Variants in RXFP1 observed in about 807,000 individuals in gnomAD.
RXFP1 encodes the protein relaxin family peptide receptor 1, also known as relaxin receptor 1.
RXFP1 carries 73 observed loss-of-function variants against 89.8 expected under a neutral mutation model. That is an observed-to-expected ratio of 0.81 (90% CI 0.67 to 0.99). The LOEUF is 0.99. RXFP1 is among the 50% of genes least tolerant of loss of function. RXFP1 has a pLI of 0.00. For missense variants in RXFP1, 793 were observed against 895.5 expected (o/e 0.89, Z 1.46); for synonymous variants, 277 against 305.5 (o/e 0.91, Z 0.97).
intron 1 of RXFP1, among the ~76,000 whole-genome samples, chr4:158,557,276 A>C (rs1194330009): frequency 6.6e-6 from 1 of 152,184 alleles, no homozygotes; most frequent in Non-Finnish European, 1.5e-5. Context: ...TTAAATGTTT[A>C]AGCATGTTTC....
rs760334929 is a variant in RXFP1, at chr4:158,572,807, C to A, written c.159C>A (p.Cys53Ter). The A allele has an allele frequency of 1.2e-6, 2 of 1,614,126 alleles. No individual in the cohort carries two copies. The highest frequency in any genetic ancestry group is 1.1e-5 in the South Asian group (1 of 91,080). ...QLLHCNGVDDCGNQADEDNCG... is the reference protein window; with the variant it reads ...QLLHCNGVDD The stretch of plus-strand genomic sequence containing the variant: ...TGCACTGTAACGGTGTGGACGACTG[C>A]GGGAATCAGGCCGATGAGGACAACT... Residue 53 changes from cysteine (C) to a stop codon, truncating the protein, a stop_gained, in exon 2 of 18, where the codon TGC (cysteine) becomes TGA (stop). Transcript: ENST00000307765. LOFTEE classifies it high-confidence loss of function.
chr4:158,626,671 G>A (rs935869243), intron 9 of RXFP1, 149 bp from the exon 10 acceptor site: 4 of 433,754 alleles, frequency 9.2e-6, no homozygotes, highest in African/African-American at 2.1e-5. Context: ...TATAATTTCA[G>A]CTGTAATAGA....
chr4:158,569,880 A>G (rs1366299784), intron 1 of RXFP1, among the ~76,000 whole-genome samples: 1 of 152,182 alleles, frequency 6.6e-6, no homozygotes. Flanking sequence ...AAATTTAATT[A>G]ATTGATTGTT....
chr4:158,587,826 T>C (rs923784956), intron 2 of RXFP1, among the ~76,000 whole-genome samples: 27 of 152,310 alleles, frequency 1.8e-4, no homozygotes, highest in African/African-American at 5.1e-4. Context: ...AATGTAGTTA[T>C]GAGGATAAAA....
chr4:158,615,907 G>A (rs989396154), intron 8 of RXFP1, among the ~76,000 whole-genome samples: 10 of 151,956 alleles, frequency 6.6e-5, no homozygotes, highest in African/African-American at 9.7e-5. Flanking sequence ...CACCATGGTC[G>A]CACCACTGCA....
chr4:158,536,598 G>A (rs1745333384), intron 1 of RXFP1, among the ~76,000 whole-genome samples: 1 of 152,124 alleles, frequency 6.6e-6, no homozygotes, highest in Non-Finnish European at 1.5e-5. Context: ...GTATTGAACT[G>A]TAAGAGATAC....
At chr4:158,647,938 C>T (rs567563348) in intron 16 of RXFP1, among the ~76,000 whole-genome samples, 38 of 151,922 alleles carry the variant, frequency 2.5e-4, no homozygotes, top group Admixed American at 2.4e-3. Context: ...ATTGCTTGAA[C>T]GCAGAAGGCA....
chr4:158,572,195 T>A (rs1579723116), intron 1 of RXFP1, among the ~76,000 whole-genome samples: 1 of 152,304 alleles, frequency 6.6e-6, no homozygotes, highest in South Asian at 2.1e-4. Flanking sequence ...TCTTCTTTTT[T>A]GTCTATTAAA....
chr4:158,579,323 C>T (rs1756873461), intron 2 of RXFP1, among the ~76,000 whole-genome samples: 1 of 152,108 alleles, frequency 6.6e-6, no homozygotes. Context: ...GGCTGGAGTG[C>T]AGTAGCACAA....
At chr4:158,532,832 C>T (rs139505520) in intron 1 of RXFP1, among the ~76,000 whole-genome samples, 2 of 152,302 alleles carry the variant, frequency 1.3e-5, no homozygotes, top group East Asian at 1.9e-4. Context: ...CATTCACCAT[C>T]GCCTCCCTCA....
chr4:158,618,630 T>C (rs1447498396), intron 9 of RXFP1, among the ~76,000 whole-genome samples: 2 of 152,124 alleles, frequency 1.3e-5, no homozygotes, highest in Admixed American at 6.5e-5. Flanking sequence ...TTACCTTGCA[T>C]GAACTTTCAT....
Position 158,593,453 on chromosome 4 carries a change from C to T in RXFP1, c.240C>T (p.Tyr80=), listed in dbSNP as rs1759930546. ...TTGACAAATATTTTGCCAGTTACTA[C>T]AAAATGACTTCCCAATATCCTTTTG... ...LQFDKYFASY[Y]KMTSQYPFEA... is the part of the protein sequence containing the mutation. Residue 80 remains tyrosine (Y), a synonymous_variant, in exon 3 of 18, where the codon TAC becomes TAT. Coordinates refer to ENST00000307765, the MANE Select transcript of RXFP1 (RefSeq NM_021634.4). The T allele has an allele frequency of 2.5e-6, 4 of 1,611,970 alleles. No individual in the cohort carries two copies. Among genetic ancestry groups the T allele is most frequent in the Non-Finnish European group, 2.5e-6 (3 of 1,178,570 alleles).
Position 158,605,117 on chromosome 4 carries a change from A to C in RXFP1, c.442A>C (p.Asn148His). Residue 148 changes from asparagine to histidine, a missense_variant, in exon 5 of 18, where the codon AAT (asparagine) becomes CAT (histidine). Transcript: ENST00000307765. ...IRKLPPDCFK[N>H]YHDLQKLYLQ... Reference sequence around the variant, plus strand: ...AAAGCTTCCTCCTGATTGCTTCAAGAATTATCATGATCTTCAGAAGCTGTA... The same window carrying C: ...AAAGCTTCCTCCTGATTGCTTCAAGCATTATCATGATCTTCAGAAGCTGTA... The C allele has an allele frequency of 6.3e-7, 1 of 1,593,204 alleles. No homozygotes were observed. The highest frequency in any genetic ancestry group is 1.3e-5 in the African/African-American group (1 of 74,738).
intron 1 of RXFP1, among the ~76,000 whole-genome samples, chr4:158,529,917 C>G (rs999802013): frequency 1.3e-5 from 2 of 152,194 alleles, no homozygotes; most frequent in Non-Finnish European, 2.9e-5. Context: ...TCATAGAGAA[C>G]AGCTGCCTGT....
intron 1 of RXFP1, among the ~76,000 whole-genome samples, chr4:158,536,004 G>C (rs551485367): frequency 6.6e-6 from 1 of 152,252 alleles, no homozygotes; most frequent in East Asian, 1.9e-4. Context: ...ATGGACAATA[G>C]ATGGACAAAG....
chr4:158,600,549 C>T (rs1022752099), intron 4 of RXFP1, among the ~76,000 whole-genome samples: 1 of 152,130 alleles, frequency 6.6e-6, no homozygotes, highest in African/African-American at 2.4e-5. Flanking sequence ...AGTAATAATT[C>T]CCCAAAAGAA....
intron 3 of RXFP1, among the ~76,000 whole-genome samples, chr4:158,593,940 A>G (rs1224425959): frequency 6.6e-6 from 1 of 152,194 alleles, no homozygotes; most frequent in Non-Finnish European, 1.5e-5. Context: ...ATTATAACCC[A>G]CTATGTTCAG....
At chr4:158,575,821 G>A (rs1051168665) in intron 2 of RXFP1, among the ~76,000 whole-genome samples, 3 of 152,184 alleles carry the variant, frequency 2.0e-5, no homozygotes, top group Non-Finnish European at 2.9e-5. Flanking sequence ...CTCAATAAAT[G>A]TTACCTAGTG....
intron 6 of RXFP1, 22 bp from the exon 7 acceptor site, chr4:158,612,108 G>A: frequency 6.4e-7 from 1 of 1,551,858 alleles, no homozygotes; most frequent in East Asian, 2.2e-5. Context: ...CAAATTTATT[G>A]TAGTTATTTC....
Sources: allele counts gnomAD v4.1 joint callset (sites outside exome capture counted in the v4.1 genomes callset), GRCh38; gene constraint gnomAD v4.1.1; transcripts MANE v1.5; gene names NCBI Gene and HGNC (gene_info 2026-07-23, HGNC 2026-07-21).